The following FSD1L variants were observed in gnomAD, a reference collection of about 807,000 sequenced individuals.
The protein encoded by FSD1L is FSD1-like protein.
FSD1L carries 45 observed loss-of-function variants against 71.6 expected under a neutral mutation model. That is an observed-to-expected ratio of 0.63 (90% CI 0.49 to 0.81). The LOEUF is 0.81. Among genes scored for constraint, FSD1L ranks in the 30% least tolerant of loss-of-function variants. The pLI is 0.00. For synonymous variants in FSD1L, 197 were observed against 207.2 expected (o/e 0.95, Z 0.42); for missense variants, 561 against 618.1 (o/e 0.91, Z 0.98).
In FSD1L at chr9:105,452,669, G is replaced by GCCTGCCTGCCTTCCTT. The variant is rs1191519308; in HGVS notation, c.15+4437_15+4438insGCCTGCCTTCCTTCCT. 2.7e-3 allele frequency among the ~76,000 whole-genome samples: 263 copies of GCCTGCCTGCCTTCCTT among 96,184 alleles called. 2 individuals carry two copies. Among genetic ancestry groups the GCCTGCCTGCCTTCCTT allele is most frequent in the African/African-American group, 1.0e-2 (235 of 23,548 alleles). The allele number at this position is 96,184 out of a possible 152,430, so 63.1% of individuals were successfully genotyped here. Reference sequence around the variant, plus strand: ...TGCCTGCCTGCCTGCCTGCCTGCCTGCCTTCCTTCCTTCCTTCCTTCCTTC... The same window carrying GCCTGCCTGCCTTCCTT: ...TGCCTGCCTGCCTGCCTGCCTGCCTGCCTGCCTGCCTTCCTTCCTTCCTTCCTTCCTTCCTTCCTTC... On this transcript the variant is annotated intron_variant, in intron 1 of 13. Transcript: ENST00000481272.
chr9:105,490,962 T>A (rs1212769958), intron 7 of FSD1L, among the ~76,000 whole-genome samples: 1 of 149,688 alleles, frequency 6.7e-6, no homozygotes, highest in Non-Finnish European at 1.5e-5. Context: ...TTTGTTCTTT[T>A]GGCTTAGGAT....
At chr9:105,524,785 C>T in intron 10 of FSD1L, 1 of 1,597,884 alleles carries the variant, frequency 6.3e-7, no homozygotes, top group Non-Finnish European at 8.6e-7. Flanking sequence ...ACTGTTATTA[C>T]ACATCTGGTA....
chr9:105,505,296 T>C (rs528167518), intron 7 of FSD1L, among the ~76,000 whole-genome samples: 2 of 152,272 alleles, frequency 1.3e-5, no homozygotes, highest in Admixed American at 6.5e-5. Flanking sequence ...AGTCTCGCTC[T>C]GTTGCCCAGG....
At chr9:105,499,559 T>C (rs1833640999) in intron 7 of FSD1L, among the ~76,000 whole-genome samples, 1 of 151,932 alleles carries the variant, frequency 6.6e-6, no homozygotes, top group Admixed American at 6.6e-5. Flanking sequence ...ATAGGTAAGG[T>C]CCCCTCCTCC....
chr9:105,447,389 T>C (rs1332811078), upstream of FSD1L, among the ~76,000 whole-genome samples: 2 of 142,388 alleles, frequency 1.4e-5, no homozygotes, highest in African/African-American at 2.6e-5. Flanking sequence ...TTATGTACCA[T>C]ACGTTATTTA....
chr9:105,458,575 G>T (rs1319039757), intron 1 of FSD1L, among the ~76,000 whole-genome samples: 2 of 152,186 alleles, frequency 1.3e-5, no homozygotes, highest in Non-Finnish European at 1.5e-5. Flanking sequence ...AAGTGGGGAA[G>T]TGCATGCTGA....
Position 105,512,813 on chromosome 9 carries a change from A to C in FSD1L, c.902A>C (p.Asn301Thr), listed in dbSNP as rs1300636957. The part of the protein sequence containing the change: ...DPVTLETKAL[N>T]FNLDNSSSHL... ...TAAATATTATCTTGAATAGCACTTAACTTCAATTTGGATAACTCCTCATCC... is the reference window on the plus strand; with the variant it reads ...TAAATATTATCTTGAATAGCACTTACCTTCAATTTGGATAACTCCTCATCC... Residue 301 changes from asparagine (N) to threonine (T), a missense_variant, in exon 10 of 14, where the codon AAC becomes ACC. Physicochemically the swap from Asn to Thr is moderately conservative, Grantham distance 65. Transcript: ENST00000481272. 1 of 1,490,146 alleles carries C rather than the reference A, an allele frequency of 6.7e-7. No individual in the cohort carries two copies. The highest frequency in any genetic ancestry group is 2.3e-5 in the Admixed American group (1 of 43,880). The allele number at this position is 1,490,146 out of a possible 1,614,324, so 92.3% of individuals were successfully genotyped here.
intron 1 of FSD1L, among the ~76,000 whole-genome samples, chr9:105,455,636 A>C (rs1190291702): frequency 6.6e-6 from 1 of 152,160 alleles, no homozygotes; most frequent in Non-Finnish European, 1.5e-5. Flanking sequence ...GGTTCTGGGG[A>C]CAACCTCCTG....
chr9:105,534,404 A>T, intron 10 of FSD1L, 89 bp from the exon 11 acceptor site: 1 of 666,066 alleles, frequency 1.5e-6, no homozygotes. Flanking sequence ...AAATCTTTTC[A>T]GAGGTTCCTT....
chr9:105,550,062 A>G lies in FSD1L; in HGVS notation c.*3579A>G, dbSNP rs1837206374. On this transcript the variant is annotated 3_prime_UTR_variant, in exon 14 of 14. Transcript: ENST00000481272. The stretch of plus-strand genomic sequence containing the variant: ...ATTCATTGGCTAATCCATACAGCAA[A>G]TATTTGAGTGTTTGTGATATGGCAG... 1 of 151,960 alleles carries G rather than the reference A, an allele frequency of 6.6e-6. No individual in the cohort carries two copies. The highest frequency in any genetic ancestry group is 2.1e-4 in the South Asian group (1 of 4,826). 9.4% of individuals were successfully genotyped at this position (151,960 alleles called of 1,614,324 possible).
rs555127230 is a variant in FSD1L, at chr9:105,541,093, A to G, written c.1467+1742A>G. Among the ~76,000 whole-genome samples, 24 of 152,234 alleles carry G rather than the reference A, an allele frequency of 1.6e-4. No individual in the cohort carries two copies. In the South Asian group the frequency reaches 3.1e-3, roughly 20 times the overall value. On this transcript the variant is annotated intron_variant, in intron 13 of 13. Transcript: ENST00000481272. ...ATAAGGAGAAAGTTTTCAGAGTAAGAGTGGGTTGAAAATACAGTGCTTTTA... is the reference window on the plus strand; with the variant it reads ...ATAAGGAGAAAGTTTTCAGAGTAAGGGTGGGTTGAAAATACAGTGCTTTTA...
At chr9:105,462,808 G>A (rs1279685369) in intron 2 of FSD1L, among the ~76,000 whole-genome samples, 1 of 110,088 alleles carries the variant, frequency 9.1e-6, no homozygotes, top group African/African-American at 3.6e-5. Context: ...GGTGGCACAT[G>A]CTTTTTTCAC....
chr9:105,445,859 G>A (rs1829630674), upstream of FSD1L, among the ~76,000 whole-genome samples: 1 of 152,178 alleles, frequency 6.6e-6, no homozygotes. Context: ...GGTACTAAGA[G>A]ATGGGCATCT....
chr9:105,527,333 A>C (rs1462859930), intron 10 of FSD1L, among the ~76,000 whole-genome samples: 1 of 151,722 alleles, frequency 6.6e-6, no homozygotes. Flanking sequence ...GATGGGGAAG[A>C]AAAGAAGGAA....
At chr9:105,451,595 A>G (rs1830007931) in intron 1 of FSD1L, among the ~76,000 whole-genome samples, 1 of 152,236 alleles carries the variant, frequency 6.6e-6, no homozygotes, top group African/African-American at 2.4e-5. Context: ...AGAAAACCAC[A>G]GTATTAACTC....
upstream of FSD1L, among the ~76,000 whole-genome samples, chr9:105,443,695 G>T (rs1386316425): frequency 6.6e-6 from 1 of 152,138 alleles, no homozygotes; most frequent in Non-Finnish European, 1.5e-5. Flanking sequence ...ACTTTGGGAG[G>T]CCAAGGTGGG....
chr9:105,525,677 T>C (rs1835463322), intron 10 of FSD1L: 24 of 1,609,166 alleles, frequency 1.5e-5, no homozygotes, highest in South Asian at 9.9e-5. Flanking sequence ...ACACACAAGA[T>C]TGCAGTATTT....
Position 105,468,333 on chromosome 9 carries a change from A to T in FSD1L, c.339+9A>T. 6.8e-7 allele frequency: 1 copy of T among 1,475,926 alleles called. No individual in the cohort carries two copies. The highest frequency in any genetic ancestry group is 8.9e-7 in the Non-Finnish European group (1 of 1,120,798). The allele number at this position is 1,475,926 out of a possible 1,614,324, so 91.4% of individuals were successfully genotyped here. A position where few individuals can be genotyped will look rare whatever the true frequency, so the allele number is the denominator to read the frequency against. On this transcript the variant is annotated intron_variant, in intron 4 of 13. Coordinates refer to ENST00000481272, the MANE Select transcript of FSD1L (RefSeq NM_001145313.3). ...AATCCCAAGAGTTACAGGTGAGATCATACAGCTATTGAAATATGGATAATT... is the reference window on the plus strand; with the variant it reads ...AATCCCAAGAGTTACAGGTGAGATCTTACAGCTATTGAAATATGGATAATT...
At chr9:105,446,258 C>T (rs1383211278), upstream of FSD1L, among the ~76,000 whole-genome samples, 1 of 152,236 alleles carries the variant, frequency 6.6e-6, no homozygotes, top group South Asian at 2.1e-4. Flanking sequence ...TTCCCTAGAT[C>T]CTTGTACAAT....
Sources: allele counts gnomAD v4.1 joint callset (sites outside exome capture counted in the v4.1 genomes callset), GRCh38; gene constraint gnomAD v4.1.1; transcripts MANE v1.5; gene names NCBI Gene and HGNC (gene_info 2026-07-23, HGNC 2026-07-21).